Variants in INTS1 observed in about 807,000 individuals in gnomAD.
INTS1 encodes integrator complex subunit 1.
A neutral mutation model predicts 241.6 loss-of-function variants in INTS1; 137 were observed. The observed-to-expected ratio is 0.57, with a 90% CI of 0.49 to 0.65. The LOEUF (loss-of-function observed/expected upper bound fraction) is 0.65, where lower values mean the gene tolerates loss of function less well. Ranked by LOEUF, INTS1 falls within the 30% of genes least tolerant of loss-of-function variation. The probability of loss-of-function intolerance (pLI) is 0.00; values close to 1 mark genes in which losing one functional copy is unlikely to be tolerated. For synonymous variants in INTS1, 1,692 were observed against 1,337.8 expected (o/e 1.26, Z -5.78); for missense variants, 3,073 against 3,032.2 (o/e 1.01, Z -0.32).
intron 2 of INTS1, among the ~76,000 whole-genome samples, 166 bp from the exon 3 acceptor site, chr7:1,503,357 G>C (rs755237335): frequency 5.0e-4 from 76 of 152,188 alleles, no homozygotes; most frequent in Non-Finnish European, 9.7e-4. Flanking sequence ...GGACCAGCAG[G>C]ATACGCACAG....
chr7:1,502,488 G>C (rs3752712), intron 3 of INTS1, among the ~76,000 whole-genome samples: 2 of 151,288 alleles, frequency 1.3e-5, no homozygotes, highest in Non-Finnish European at 2.9e-5. Flanking sequence ...TGGTAACCAG[G>C]AGGGAAGGAG....
chr7:1,503,351 C>G lies in INTS1; in HGVS notation c.59-160G>C, dbSNP rs142156604. ...CAGCAGCCTACAGCAGAGCTGGGAC[C>G]AGCAGGATACGCACAGGTGATGGTG... On this transcript the variant is annotated intron_variant, in intron 2 of 47. Coordinates refer to ENST00000404767, the MANE Select transcript of INTS1 (RefSeq NM_001080453.3). 3.8e-3 allele frequency among the ~76,000 whole-genome samples: 580 copies of G among 152,310 alleles called. 4 individuals carry two copies. The highest frequency in any genetic ancestry group is 0.013 in the African/African-American group (561 of 41,568).
chr7:1,491,309 G>A (rs958807863), intron 16 of INTS1, among the ~76,000 whole-genome samples: 1 of 152,198 alleles, frequency 6.6e-6, no homozygotes, highest in East Asian at 1.9e-4. Context: ...ACATGGGTGC[G>A]ACTTCCGACA....
intron 3 of INTS1, among the ~76,000 whole-genome samples, chr7:1,502,213 TG>T (rs1460413704): frequency 9.9e-5 from 15 of 151,984 alleles, no homozygotes; most frequent in African/African-American, 3.4e-4. Flanking sequence ...CCAAAAGAGA[TG>T]CTCCCACAGA....
In INTS1 at chr7:1,470,585, C is replaced by G. The variant is rs1420451258; in HGVS notation, c.6565G>C (p.Val2189Leu). ...EALRILHMEA[V>L]M is the part of the protein sequence containing the mutation. ...GGTCGGCTGCCACAGGCTCACATCA[C>G]GGCCTCCATATGCAGGATCCTCAGG... Residue 2189 changes from valine (V) to leucine (L), a missense_variant, in exon 48 of 48, where the codon GTG (valine) becomes CTG (leucine). Physicochemically the swap from Val to Leu is conservative, Grantham distance 32 (BLOSUM62 1). Transcript: ENST00000404767. The G allele has an allele frequency of 6.4e-7, 1 of 1,562,190 alleles. No individual in the cohort carries two copies. The highest frequency in any genetic ancestry group is 8.7e-7 in the Non-Finnish European group (1 of 1,154,306).
At chr7:1,480,232 G>A (rs1781931458) in intron 30 of INTS1, 85 bp downstream of exon 30, 2 of 1,456,410 alleles carry the variant, frequency 1.4e-6, no homozygotes, top group Non-Finnish European at 1.8e-6. Context: ...GCAAGTAAAG[G>A]CCGCTGTGCG....
At chr7:1,482,979 C>G in intron 26 of INTS1, 2 of 443,932 alleles carry the variant, frequency 4.5e-6, no homozygotes, top group South Asian at 5.7e-5. Context: ...CCATCCAGCC[C>G]CTGCCCTCGG....
At chr7:1,478,529 C>T (rs946736558) in intron 32 of INTS1, 23 bp from the exon 33 acceptor site, 24 of 1,603,108 alleles carry the variant, frequency 1.5e-5, no homozygotes, top group Non-Finnish European at 2.0e-5. Flanking sequence ...TGTGTGAGTG[C>T]CCTGTGGCTC....
Position 1,470,617 on chromosome 7 carries a change from G to GA in INTS1, c.6532dup (p.Ser2178PhefsTer50). 1 of 1,586,426 alleles carries GA rather than the reference G, an allele frequency of 6.3e-7. No homozygotes were observed. Among genetic ancestry groups the GA allele is most frequent in the Non-Finnish European group, 8.6e-7 (1 of 1,167,304 alleles). ...CATATGCAGGATCCTCAGGGCCTCG[G>GA]AGATCTGCGCGCTGGGGTCCATCTG... On this transcript the variant is annotated frameshift_variant, in exon 48 of 48. Transcript: ENST00000404767. LOFTEE classifies it high-confidence loss of function.
Position 1,484,131 on chromosome 7 carries a change from A to T in INTS1, c.3301T>A (p.Ser1101Thr), listed in dbSNP as rs376110270. Residue 1101 changes from serine (S) to threonine (T), a missense_variant, in exon 25 of 48, where the codon TCC (serine) becomes ACC (threonine). Physicochemically the swap from Ser to Thr is moderately conservative, Grantham distance 58 (BLOSUM62 1). Coordinates refer to ENST00000404767, the MANE Select transcript of INTS1 (RefSeq NM_001080453.3). ...GGGGAGAGCTTCGAGAAGAGGTGGG[A>T]CATGATGGTGGAGCGCTCCACGACC... ...RLVVERSTIM[S>T]HLFSKLSPSA... is the part of the protein sequence containing the mutation. 9.9e-6 allele frequency: 16 copies of T among 1,612,232 alleles called. No individual in the cohort carries two copies. In the African/African-American group the frequency reaches 1.9e-4, roughly 19 times the overall value.
Position 1,499,167 on chromosome 7 carries a change from C to A in INTS1, c.951-6G>T. The A allele has an allele frequency of 6.2e-7, 1 of 1,607,686 alleles. No individual in the cohort carries two copies. Among genetic ancestry groups the A allele is most frequent in the Admixed American group, 1.7e-5 (1 of 59,852 alleles). ...TCTCCGCGAGCTCTTCGTACCTAGGCCAGAGGAGGGAGCGAGGAGGGAGGA... is the reference window on the plus strand; with the variant it reads ...TCTCCGCGAGCTCTTCGTACCTAGGACAGAGGAGGGAGCGAGGAGGGAGGA... On this transcript the variant is annotated splice_polypyrimidine_tract_variant and splice_region_variant and intron_variant, in intron 7 of 47. Transcript: ENST00000404767.
rs146006547 is a variant in INTS1 at position 1,500,373 on chromosome 7, G to A, written c.350-7C>T. 3,323 of 1,556,240 alleles carry A rather than the reference G, an allele frequency of 2.1e-3. 5 individuals carry two copies. Among genetic ancestry groups the A allele is most frequent in the Middle Eastern group, 5.0e-3 (29 of 5,764 alleles). On this transcript the variant is annotated splice_region_variant and splice_polypyrimidine_tract_variant and intron_variant, in intron 3 of 47. Coordinates refer to ENST00000404767, the MANE Select transcript of INTS1 (RefSeq NM_001080453.3). Reference sequence around the variant, plus strand: ...AGCAGCACCGTGGGCAGCACTGGCCGGGGCAGGCGGTACGGTCAGAACGGG... The same window carrying A: ...AGCAGCACCGTGGGCAGCACTGGCCAGGGCAGGCGGTACGGTCAGAACGGG...
intron 4 of INTS1, 55 bp from the exon 5 acceptor site, chr7:1,500,076 TG>T: frequency 6.4e-7 from 1 of 1,556,970 alleles, no homozygotes; most frequent in Non-Finnish European, 8.8e-7. Context: ...GAGGCAAAGC[TG>T]GGGTGGGCCG....
At chr7:1,471,909 G>A (rs974398718) in intron 44 of INTS1, 20 of 580,738 alleles carry the variant, frequency 3.4e-5, no homozygotes, top group Non-Finnish European at 5.2e-5. Flanking sequence ...GTGTCCCCAC[G>A]GCCCGACTCC....
At chr7:1,487,128 C>G in intron 20 of INTS1, 27 bp from the exon 21 acceptor site, 2 of 1,537,130 alleles carry the variant, frequency 1.3e-6, no homozygotes, top group Non-Finnish European at 1.7e-6. Context: ...GGCGCCCGCT[C>G]AGCACCTTCC....
At position 1,487,889 on chromosome 7, in the gene INTS1, A is replaced by T; in HGVS notation, c.2387T>A (p.Leu796Gln). ...ETRTEMLNRELQTAQREKQEI... is the reference protein window; with the variant it reads ...ETRTEMLNREQQTAQREKQEI... ...CTGCTTCTCCCGCTGGGCGGTCTGC[A>T]GCTCACGGTTCAGCATCTCCGTCCG... The change falls in exon 19 of 48, where the codon CTG (leucine) becomes CAG (glutamine). Residue 796 changes from leucine to glutamine, a missense_variant. By Grantham distance (113) the Leu-to-Gln change is moderately radical. Transcript: ENST00000404767. The T allele has an allele frequency of 6.2e-7, 1 of 1,613,548 alleles. No individual in the cohort carries two copies. Among genetic ancestry groups the T allele is most frequent in the Non-Finnish European group, 8.5e-7 (1 of 1,179,830 alleles).
At chr7:1,487,617 C>A in intron 19 of INTS1, 143 bp downstream of exon 19, 1 of 1,277,408 alleles carries the variant, frequency 7.8e-7, no homozygotes, top group South Asian at 1.4e-5. Context: ...AAGCCAGGGA[C>A]GCGGGGACGG....
Position 1,498,421 on chromosome 7 carries a change from C to A in INTS1, c.1416G>T (p.Leu472=). 6.2e-7 allele frequency: 1 copy of A among 1,613,810 alleles called. No individual in the cohort carries two copies. The highest frequency in any genetic ancestry group is 8.5e-7 in the Non-Finnish European group (1 of 1,179,850). The change falls in exon 10 of 48, where the codon CTG becomes CTT. Residue 472 remains leucine, a synonymous_variant. Coordinates refer to ENST00000404767, the MANE Select transcript of INTS1 (RefSeq NM_001080453.3). The part of the protein sequence containing the change: ...LYTALQHSSE[L]APKFLAMVFQ... Reference sequence around the variant, plus strand: ...GGGACCCTGGGCCTACCTTGGGCGCCAGCTCTGAGCTGTGCTGCAGTGCGG... The same window carrying A: ...GGGACCCTGGGCCTACCTTGGGCGCAAGCTCTGAGCTGTGCTGCAGTGCGG...
rs763578017 is a variant in INTS1, at chr7:1,500,381, C to A, written c.350-15G>T. The stretch of plus-strand genomic sequence containing the variant: ...CGTGGGCAGCACTGGCCGGGGCAGG[C>A]GGTACGGTCAGAACGGGGCCAGGGC... On this transcript the variant is annotated splice_polypyrimidine_tract_variant and intron_variant, in intron 3 of 47. Transcript: ENST00000404767. 2 of 1,546,880 alleles carry A rather than the reference C, an allele frequency of 1.3e-6. No individual in the cohort carries two copies. The highest frequency in any genetic ancestry group is 1.3e-5 in the African/African-American group (1 of 74,130).
Sources: allele counts gnomAD v4.1 joint callset (sites outside exome capture counted in the v4.1 genomes callset), GRCh38; gene constraint gnomAD v4.1.1; transcripts MANE v1.5; gene names NCBI Gene and HGNC (gene_info 2026-07-23, HGNC 2026-07-21).